Variants in KLHL12 observed in about 807,000 individuals in gnomAD.
KLHL12 encodes kelch like family member 12.
In KLHL12, 17 loss-of-function variants were observed where a neutral mutation model predicts 60.8. The observed-to-expected ratio is 0.28, with a 90% CI of 0.19 to 0.42. The LOEUF (loss-of-function observed/expected upper bound fraction) is 0.42, where lower values mean the gene tolerates loss of function less well. Among genes scored for constraint, KLHL12 ranks in the 10% least tolerant of loss-of-function variants. The pLI, the probability that KLHL12 is intolerant of heterozygous loss-of-function variation, is 1.00. For synonymous variants in KLHL12, 220 were observed against 250.9 expected (o/e 0.88, Z 1.16); for missense variants, 468 against 722.3 (o/e 0.65, Z 4.04).
chr1:202,897,228 C>CTTTTTTT (rs11305071), intron 6 of KLHL12, among the ~76,000 whole-genome samples: 67 of 82,220 alleles, frequency 8.1e-4, no homozygotes, highest in Admixed American at 1.1e-3. Flanking sequence ...ATTTCTTTTT[C>CTTTTTTT]TTTTTTTTTT....
chr1:202,900,669 G>C (rs1659979541), intron 6 of KLHL12, among the ~76,000 whole-genome samples: 1 of 152,196 alleles, frequency 6.6e-6, no homozygotes, highest in South Asian at 2.1e-4. Flanking sequence ...TTCAAGGCCA[G>C]CCTGGCCAAC....
chr1:202,928,346 G>A (rs1010107291), upstream of KLHL12: 4 of 374,424 alleles, frequency 1.1e-5, no homozygotes, highest in Non-Finnish European at 2.1e-5. Flanking sequence ...GGTCCGGCAG[G>A]GAGCCTGGGA....
At position 202,896,887 on chromosome 1, in the gene KLHL12, A is replaced by C. The variant is rs1465455021; in HGVS notation, c.906T>G (p.Tyr302Ter). 1 of 1,614,172 alleles carries C rather than the reference A, an allele frequency of 6.2e-7. No individual in the cohort carries two copies. Among genetic ancestry groups the C allele is most frequent in the Non-Finnish European group, 8.5e-7 (1 of 1,180,010 alleles). Residue 302 changes from tyrosine to a stop codon, truncating the protein, a stop_gained, in exon 7 of 12, where the codon TAT becomes TAG. Transcript: ENST00000367261. LOFTEE classifies it high-confidence loss of function. Reference protein sequence around the residue: ...QQSPIDVVEKYDPKTQEWSFL... With the variant: ...QQSPIDVVEK Reference sequence around the variant, plus strand: ...AGCTCCACTCCTGAGTCTTGGGGTCATATTTCTCTACCACATCAATGGGAG... The same window carrying C: ...AGCTCCACTCCTGAGTCTTGGGGTCCTATTTCTCTACCACATCAATGGGAG...
chr1:202,896,971 AG>A lies in KLHL12; in HGVS notation c.833-12del, dbSNP rs768192806. ...GCACTTCATTGGCTCCTGAAGACAA[AG>A]GCAGAAAAAAGATGGGTTAGTTCAG... On this transcript the variant is annotated splice_polypyrimidine_tract_variant and intron_variant, in intron 6 of 11. Transcript: ENST00000367261. 11 of 1,610,858 alleles carry A rather than the reference AG, an allele frequency of 6.8e-6. No individual in the cohort carries two copies. Among genetic ancestry groups the A allele is most frequent in the Middle Eastern group, 1.7e-4 (1 of 6,056 alleles).
intron 6 of KLHL12, among the ~76,000 whole-genome samples, chr1:202,907,782 C>T (rs1385091830): frequency 1.3e-5 from 2 of 151,790 alleles, no homozygotes; most frequent in African/African-American, 4.8e-5. Flanking sequence ...GTGGCACGTG[C>T]CTGCGGTCCC....
In KLHL12 at chr1:202,911,105, C is replaced by G; in HGVS notation, c.666G>C (p.Val222=). The G allele has an allele frequency of 6.2e-7, 1 of 1,614,136 alleles. No homozygotes were observed. Among genetic ancestry groups the G allele is most frequent in the African/African-American group, 1.3e-5 (1 of 75,028 alleles). Residue 222 remains valine (V), a synonymous_variant, in exon 5 of 12, where the codon GTG becomes GTC. Transcript: ENST00000367261. ...ACCTGGGGGTTAGTAGGGGCATCCG[C>G]ACATACTGTAGCAGGTTAGGCAAGG... ...EESLPNLLQY[V]RMPLLTPRYI...
intron 4 of KLHL12, chr1:202,912,420 G>C (rs1660391452): frequency 2.4e-6 from 2 of 821,284 alleles, no homozygotes; most frequent in Non-Finnish European, 4.2e-6. Flanking sequence ...TGGAAACTTT[G>C]GTTTGGTCGT....
chr1:202,913,184 T>C (rs1660417097), intron 4 of KLHL12, among the ~76,000 whole-genome samples: 1 of 152,140 alleles, frequency 6.6e-6, no homozygotes, highest in South Asian at 2.1e-4. Flanking sequence ...GATCTAAGCA[T>C]ACATATGACC....
chr1:202,901,180 G>A (rs1659996601), intron 6 of KLHL12, among the ~76,000 whole-genome samples: 1 of 152,202 alleles, frequency 6.6e-6, no homozygotes. Flanking sequence ...CTTCCTGTTG[G>A]CTGAAATTTT....
At chr1:202,928,481 C>A, upstream of KLHL12, 1 of 1,301,462 alleles carries the variant, frequency 7.7e-7, no homozygotes, top group South Asian at 1.2e-5. Context: ...TATGTTTTAC[C>A]TTCCAGGTAC....
chr1:202,903,297 C>G (rs1478025227), intron 6 of KLHL12, among the ~76,000 whole-genome samples: 1 of 150,184 alleles, frequency 6.7e-6, no homozygotes, highest in African/African-American at 2.5e-5. Context: ...GTTTTTAAAT[C>G]TCTGACACTC....
intron 3 of KLHL12, among the ~76,000 whole-genome samples, chr1:202,919,260 A>T (rs912669625): frequency 3.3e-5 from 5 of 152,194 alleles, no homozygotes; most frequent in African/African-American, 1.2e-4. Context: ...TGTCTCAAAA[A>T]CAAAACAAAA....
intron 2 of KLHL12, among the ~76,000 whole-genome samples, chr1:202,923,187 A>G (rs1558001468): frequency 6.6e-6 from 1 of 152,266 alleles, no homozygotes; most frequent in Non-Finnish European, 1.5e-5. Flanking sequence ...TGAGAAAAAA[A>G]GAATTCATTT....
At chr1:202,916,586 G>A (rs1660528464) in intron 4 of KLHL12, among the ~76,000 whole-genome samples, 1 of 152,226 alleles carries the variant, frequency 6.6e-6, no homozygotes, top group African/African-American at 2.4e-5. Context: ...GAAGGTTACA[G>A]TGAGCTGAGA....
At chr1:202,908,062 G>A (rs1660249333) in intron 6 of KLHL12, among the ~76,000 whole-genome samples, 2 of 152,142 alleles carry the variant, frequency 1.3e-5, no homozygotes, top group South Asian at 4.1e-4. Flanking sequence ...TACATATAGA[G>A]TAATTCATAA....
chr1:202,921,880 ACT>A lies in KLHL12; in HGVS notation c.196-1974_196-1973del, dbSNP rs535274522. On this transcript the variant is annotated intron_variant, in intron 2 of 11. Coordinates refer to ENST00000367261, the MANE Select transcript of KLHL12 (RefSeq NM_021633.4). ...ATCAGCCAGAGAATAACCAAAAAGCACTCTCTACCAAAGCCAAGAACAAAATC... is the reference window on the plus strand; with the variant it reads ...ATCAGCCAGAGAATAACCAAAAAGCACTCTACCAAAGCCAAGAACAAAATC... Among the ~76,000 whole-genome samples the A allele has an allele frequency of 2.4e-4, 36 of 152,362 alleles. No homozygotes were observed. The East Asian group carries it at 6.7e-3, about 29-fold the overall frequency.
At chr1:202,904,370 ATTTT>A (rs914110115) in intron 6 of KLHL12, among the ~76,000 whole-genome samples, 7 of 33,170 alleles carry the variant, frequency 2.1e-4, no homozygotes, top group Non-Finnish European at 4.0e-4. Flanking sequence ...TTTGTATATG[ATTTT>A]TTTATTTATT....
Position 202,891,345 on chromosome 1 carries a change from C to T in KLHL12, c.*1188G>A, listed in dbSNP as rs1173200051. The stretch of plus-strand genomic sequence containing the variant: ...AATGTTGATAGCTGAGGTACTGAAA[C>T]TAACAAAAGGATTTTGGTTGTCCTT... On this transcript the variant is annotated 3_prime_UTR_variant, in exon 12 of 12. Coordinates refer to ENST00000367261, the MANE Select transcript of KLHL12 (RefSeq NM_021633.4). 2.0e-5 allele frequency: 3 copies of T among 152,632 alleles called. No homozygotes were observed. Among genetic ancestry groups the T allele is most frequent in the Non-Finnish European group, 4.4e-5 (3 of 68,044 alleles). The allele number at this position is 152,632 out of a possible 1,614,324, so 9.5% of individuals were successfully genotyped here.
intron 6 of KLHL12, among the ~76,000 whole-genome samples, chr1:202,903,159 C>CAAAAA (rs67432749): frequency 1.9e-5 from 1 of 52,020 alleles, no homozygotes; most frequent in Non-Finnish European, 3.6e-5. Flanking sequence ...GACCTTGTCT[C>CAAAAA]AAAAAAAAAA....
Sources: gnomAD v4.1 joint callset for allele counts (sites outside exome capture counted in the v4.1 genomes callset) on GRCh38, gnomAD v4.1.1 for gene constraint, MANE v1.5 for transcripts, NCBI Gene and HGNC (gene_info 2026-07-23, HGNC 2026-07-21) for gene names.